ZFYVE28: variants seen among roughly 807,000 people sequenced by gnomAD.
ZFYVE28 encodes the protein zinc finger FYVE-type containing 28, also known as lateral signaling target protein 2 homolog.
ZFYVE28 carries 40 observed loss-of-function variants against 82.1 expected under a neutral mutation model. That is an observed-to-expected ratio of 0.49 (90% CI 0.38 to 0.63). The LOEUF (loss-of-function observed/expected upper bound fraction) is 0.63. Ranked by LOEUF, ZFYVE28 falls within the 30% of genes least tolerant of loss-of-function variation. The pLI, the probability that ZFYVE28 is intolerant of heterozygous loss-of-function variation, is 0.00. For synonymous variants in ZFYVE28, 612 were observed against 546.1 expected (o/e 1.12, Z -1.68); for missense variants, 1,321 against 1,242.1 (o/e 1.06, Z -0.96).
intron 1 of ZFYVE28, among the ~76,000 whole-genome samples, chr4:2,363,311 C>T (rs185619035): frequency 1.3e-5 from 2 of 152,268 alleles, no homozygotes; most frequent in East Asian, 3.9e-4. Flanking sequence ...GTAGAACGTG[C>T]TGAGGACGCG....
At chr4:2,276,124 A>T (rs1736414142) in intron 8 of ZFYVE28, among the ~76,000 whole-genome samples, 1 of 152,182 alleles carries the variant, frequency 6.6e-6, no homozygotes, top group African/African-American at 2.4e-5. Context: ...GTGAGAATTC[A>T]GGGCAGCGGG....
In ZFYVE28 at chr4:2,320,019, T is replaced by G; in HGVS notation, c.803+151A>C. The G allele has an allele frequency of 1.9e-5, 14 of 751,944 alleles. No homozygotes were observed. Among genetic ancestry groups the G allele is most frequent in the East Asian group, 5.5e-5 (2 of 36,220 alleles). The allele number at this position is 751,944 out of a possible 1,614,324, so 46.6% of individuals were successfully genotyped here. ...GGACTCTGTGACCCCCATGGGTCGT[T>G]TGTGACCCCTCCCTAGGGAATATTA... On this transcript the variant is annotated intron_variant, in intron 7 of 12. Coordinates refer to ENST00000290974, the MANE Select transcript of ZFYVE28 (RefSeq NM_020972.3). This position sits in a 1 kb window ranked among gnomAD's most constrained non-coding sequence, Gnocchi z 5.1.
intron 7 of ZFYVE28, among the ~76,000 whole-genome samples, chr4:2,308,675 A>AAGAAAGAGAGAGAG (rs1200372952): frequency 1.2e-4 from 11 of 93,146 alleles, no homozygotes; most frequent in African/African-American, 4.2e-4. Flanking sequence ...GAAAGAAAGA[A>AAGAAAGAGAGAGAG]AGAGAAAGAA....
chr4:2,406,062 A>AAAAGAAAAG (rs1731873512), intron 1 of ZFYVE28, among the ~76,000 whole-genome samples: 1 of 125,072 alleles, frequency 8.0e-6, no homozygotes, highest in Admixed American at 8.4e-5. Flanking sequence ...AAAAAAAAAA[A>AAAAGAAAAG]AAAGAAAGAA....
At position 2,304,668 on chromosome 4, in the gene ZFYVE28, T is replaced by C. The variant is rs768877205; in HGVS notation, c.1672A>G (p.Asn558Asp). 18 of 1,612,500 alleles carry C rather than the reference T, an allele frequency of 1.1e-5. No homozygotes were observed. Among genetic ancestry groups the C allele is most frequent in the Non-Finnish European group, 1.5e-5 (18 of 1,179,894 alleles). Reference protein sequence around the residue: ...GPHKLSTGATNCLLHSCVCCG... With the variant: ...GPHKLSTGATDCLLHSCVCCG... Reference sequence around the variant, plus strand: ...CACACGCAGGAATGCAGAAGGCAGTTGGTGGCCCCAGTGCTAAGCTTGTGG... The same window carrying C: ...CACACGCAGGAATGCAGAAGGCAGTCGGTGGCCCCAGTGCTAAGCTTGTGG... The change falls in exon 8 of 13, where the codon AAC (asparagine) becomes GAC (aspartate). Residue 558 changes from asparagine (N) to aspartate (D), a missense_variant. Asn to Asp is a conservative substitution (Grantham distance 23). Transcript: ENST00000290974.
chr4:2,359,145 T>A (rs978745682), intron 1 of ZFYVE28, among the ~76,000 whole-genome samples: 3 of 151,708 alleles, frequency 2.0e-5, no homozygotes, highest in African/African-American at 7.3e-5. Context: ...CGGCTAATTT[T>A]TTTTTTTTTG....
rs1721445009 is a variant in ZFYVE28, at chr4:2,335,008, G to C, written c.701+697C>G. On this transcript the variant is annotated intron_variant, in intron 6 of 12. Transcript: ENST00000290974. The surrounding 1 kb of genome is among the most constrained non-coding windows in gnomAD (Gnocchi z 5.8). ...GCCTGACCCCTGGGCTCTAACCTTG[G>C]CCCCAGACAGCTCAGAGACGCTAAG... is the stretch of plus-strand genomic sequence containing the variant. 6.6e-6 allele frequency among the ~76,000 whole-genome samples: 1 copy of C among 150,386 alleles called. No homozygotes were observed. The highest frequency in any genetic ancestry group is 2.2e-4 in the South Asian group (1 of 4,618).
chr4:2,412,713 C>T (rs1350335409), intron 1 of ZFYVE28, among the ~76,000 whole-genome samples: 2 of 152,172 alleles, frequency 1.3e-5, no homozygotes, highest in African/African-American at 4.8e-5. Flanking sequence ...AAAACCACAC[C>T]CTGGCTGTCA....
In ZFYVE28 at chr4:2,417,155, C is replaced by G. The variant is rs1055493177; in HGVS notation, c.39+1130G>C. 6.6e-6 allele frequency among the ~76,000 whole-genome samples: 1 copy of G among 152,284 alleles called. No individual in the cohort carries two copies. The highest frequency in any genetic ancestry group is 1.9e-4 in the East Asian group (1 of 5,178). ...GGTGGCCTCGGACGTCCGAGCTGCCCGGACGAAGCGCTGGCCCCACTCCCG... is the reference window on the plus strand; with the variant it reads ...GGTGGCCTCGGACGTCCGAGCTGCCGGGACGAAGCGCTGGCCCCACTCCCG... On this transcript the variant is annotated intron_variant, in intron 1 of 12. Coordinates refer to ENST00000290974, the MANE Select transcript of ZFYVE28 (RefSeq NM_020972.3). This position sits in a 1 kb window ranked among gnomAD's most constrained non-coding sequence, Gnocchi z 4.8.
At chr4:2,317,307 G>T (rs1298772589) in intron 7 of ZFYVE28, among the ~76,000 whole-genome samples, 4 of 152,158 alleles carry the variant, frequency 2.6e-5, no homozygotes, top group Non-Finnish European at 4.4e-5. Flanking sequence ...AGCAATTTTG[G>T]ATTATATGAC....
Position 2,291,036 on chromosome 4 carries a change from C to G in ZFYVE28, c.2051+13253G>C, listed in dbSNP as rs560014635. 2.6e-5 allele frequency among the ~76,000 whole-genome samples: 4 copies of G among 152,368 alleles called. No homozygotes were observed. The South Asian group carries it at 8.3e-4, about 32-fold the overall frequency. ...TGCAGATTAGCGAAGAGTGCCTGCA[C>G]GTGTGCTCCTGCCCCCGGCACACGA... On this transcript the variant is annotated intron_variant, in intron 8 of 12. Coordinates refer to ENST00000290974, the MANE Select transcript of ZFYVE28 (RefSeq NM_020972.3).
At chr4:2,292,802 C>T (rs943768013) in intron 8 of ZFYVE28, among the ~76,000 whole-genome samples, 1 of 152,176 alleles carries the variant, frequency 6.6e-6, no homozygotes, top group Non-Finnish European at 1.5e-5. Context: ...TCCCCAGCTC[C>T]TCCTGGACAG....
chr4:2,328,161 C>T (rs1228617942), intron 6 of ZFYVE28, among the ~76,000 whole-genome samples: 2 of 152,070 alleles, frequency 1.3e-5, no homozygotes, highest in African/African-American at 2.4e-5. Context: ...TCAACCTAAG[C>T]GTTTAACAGA....
At chr4:2,308,673 G>GAAAGAAAGAA (rs1717005155) in intron 7 of ZFYVE28, among the ~76,000 whole-genome samples, 2 of 89,922 alleles carry the variant, frequency 2.2e-5, no homozygotes, top group African/African-American at 4.8e-5. Flanking sequence ...AAGAAAGAAA[G>GAAAGAAAGAA]AAAGAGAAAG....
intron 1 of ZFYVE28, among the ~76,000 whole-genome samples, chr4:2,404,238 C>T (rs1262133380): frequency 2.8e-5 from 4 of 144,890 alleles, no homozygotes; most frequent in Non-Finnish European, 3.0e-5. Context: ...AGGAGAATGG[C>T]ATGAACCCGG....
chr4:2,315,108 A>T (rs1056433900), intron 7 of ZFYVE28, among the ~76,000 whole-genome samples: 4 of 150,842 alleles, frequency 2.7e-5, no homozygotes, highest in African/African-American at 9.7e-5. Context: ...ATCTGATACA[A>T]TTTTTTTTTC....
At chr4:2,333,830 G>C (rs1214909359) in intron 6 of ZFYVE28, among the ~76,000 whole-genome samples, 1 of 152,228 alleles carries the variant, frequency 6.6e-6, no homozygotes, top group African/African-American at 2.4e-5. Flanking sequence ...TTTAAACAAA[G>C]AGAAGAATAA....
chr4:2,387,601 G>T (rs906420721), intron 1 of ZFYVE28, among the ~76,000 whole-genome samples: 1 of 152,232 alleles, frequency 6.6e-6, no homozygotes, highest in Admixed American at 6.5e-5. Context: ...CCTCGCCAGA[G>T]CTTGGCAGGG....
In ZFYVE28 at chr4:2,304,402, C is replaced by A; in HGVS notation, c.1938G>T (p.Ala646=). ...CCCCAGCCTCTCCTTGCAGCCCACT[C>A]GCTGTGTCCACCTGGGAACCTGAGG... is the stretch of plus-strand genomic sequence containing the variant. ...PHTSGSQVDT[A]SGLQGEAGVA... Residue 646 remains alanine (A), a synonymous_variant, in exon 8 of 13, where the codon GCG becomes GCT. Transcript: ENST00000290974. The A allele has an allele frequency of 6.2e-7, 1 of 1,613,370 alleles. No individual in the cohort carries two copies.
Sources: allele counts gnomAD v4.1 joint callset (sites outside exome capture counted in the v4.1 genomes callset), GRCh38; gene constraint gnomAD v4.1.1; non-coding constraint Gnocchi (gnomAD v3.1); transcripts MANE v1.5; gene names NCBI Gene and HGNC (gene_info 2026-07-23, HGNC 2026-07-21).